DLGAP2: variants seen among roughly 807,000 people sequenced by gnomAD.
The protein encoded by DLGAP2 is disks large-associated protein 2.
DLGAP2 carries 26 observed loss-of-function variants against 100.3 expected under a neutral mutation model. The observed-to-expected ratio is 0.26, with a 90% confidence interval of 0.19 to 0.36. The LOEUF is 0.36. DLGAP2 is among the 10% of genes least tolerant of loss of function. DLGAP2 has a pLI of 1.00. For synonymous variants in DLGAP2, 886 were observed against 630.1 expected, an observed-to-expected ratio of 1.41 and a Z score of -6.08; for missense variants, 1,858 against 1,453.2, an observed-to-expected ratio of 1.28 and a Z score of -4.53.
At chr8:1,186,128 G>A (rs376337647) in intron 2 of DLGAP2, among the ~76,000 whole-genome samples, 2 of 152,298 alleles carry the variant, frequency 1.3e-5, no homozygotes, top group Middle Eastern at 3.4e-3. Context: ...GGTGCTTCTC[G>A]CTTTGCGCCC....
chr8:1,017,959 G>T (rs181886945), intron 2 of DLGAP2, among the ~76,000 whole-genome samples: 30 of 152,298 alleles, frequency 2.0e-4, no homozygotes, highest in African/African-American at 7.2e-4. Context: ...CACTTTCCTA[G>T]TTGTGGCAGA....
intron 2 of DLGAP2, among the ~76,000 whole-genome samples, chr8:1,228,499 T>A (rs1275789041): frequency 6.6e-6 from 1 of 152,174 alleles, no homozygotes. Context: ...TACAATGACA[T>A]CATAAGAAAC....
intron 2 of DLGAP2, among the ~76,000 whole-genome samples, chr8:1,124,106 C>T (rs1204620953): frequency 1.3e-5 from 2 of 152,190 alleles, no homozygotes; most frequent in Non-Finnish European, 2.9e-5. Flanking sequence ...ATATCGTTTC[C>T]CCAGAGTTTA....
chr8:1,601,800 T>A (rs1796633648), intron 6 of DLGAP2, among the ~76,000 whole-genome samples: 1 of 152,200 alleles, frequency 6.6e-6, no homozygotes, highest in South Asian at 2.1e-4. Flanking sequence ...CTGTTTCCTC[T>A]CCCTAAATGG....
intron 2 of DLGAP2, among the ~76,000 whole-genome samples, chr8:970,340 A>G (rs1799982171): frequency 6.6e-6 from 1 of 152,228 alleles, no homozygotes; most frequent in Non-Finnish European, 1.5e-5. Flanking sequence ...TTATTTTTAA[A>G]AAATTGTGTG....
At chr8:1,377,179 G>T (rs946305105) in intron 3 of DLGAP2, among the ~76,000 whole-genome samples, 1 of 152,232 alleles carries the variant, frequency 6.6e-6, no homozygotes, top group Admixed American at 6.5e-5. Flanking sequence ...GGCCCCTCCA[G>T]GTCAGTGGTG....
chr8:1,662,286 A>C (rs1798425565), intron 8 of DLGAP2, among the ~76,000 whole-genome samples: 1 of 152,382 alleles, frequency 6.6e-6, no homozygotes, highest in East Asian at 1.9e-4. Flanking sequence ...CCCATTAGTT[A>C]ATAGTCCCTT....
intron 2 of DLGAP2, among the ~76,000 whole-genome samples, chr8:1,241,959 C>A (rs751225230): frequency 1.3e-5 from 2 of 152,182 alleles, no homozygotes; most frequent in Non-Finnish European, 2.9e-5. Flanking sequence ...ACTGCCTCTA[C>A]TGAAACATTC....
At chr8:1,495,347 A>G (rs1799512749) in intron 3 of DLGAP2, among the ~76,000 whole-genome samples, 1 of 152,122 alleles carries the variant, frequency 6.6e-6, no homozygotes, top group South Asian at 2.1e-4. Flanking sequence ...GGACAAGGAG[A>G]GGCAGCCGAG....
At chr8:1,461,859 G>T (rs1306515695) in intron 3 of DLGAP2, among the ~76,000 whole-genome samples, 1 of 12,238 alleles carries the variant, frequency 8.2e-5, no homozygotes, top group Non-Finnish European at 1.4e-4. Context: ...ACTGGGTGCA[G>T]TCGCTGATTC....
intron 1 of DLGAP2, among the ~76,000 whole-genome samples, chr8:779,094 C>T (rs941901931): frequency 2.6e-5 from 4 of 152,226 alleles, no homozygotes; most frequent in African/African-American, 9.6e-5. Flanking sequence ...GTGGGAGTGA[C>T]CCGATTTTCC....
intron 3 of DLGAP2, among the ~76,000 whole-genome samples, chr8:1,292,838 T>C (rs1354758547): frequency 1.3e-5 from 2 of 152,092 alleles, no homozygotes; most frequent in African/African-American, 2.4e-5. Context: ...CTCCTGCTCA[T>C]CCACACATCC....
intron 3 of DLGAP2, among the ~76,000 whole-genome samples, chr8:1,471,993 C>T (rs762063680): frequency 1.3e-5 from 2 of 152,200 alleles, no homozygotes; most frequent in African/African-American, 4.8e-5. Flanking sequence ...TTGTATTTAG[C>T]GGTGGTCTCT....
rs550831447 is a variant in DLGAP2 at position 1,101,723 on chromosome 8, C to G, written c.74-157128C>G. Among the ~76,000 whole-genome samples the G allele has an allele frequency of 3.9e-5, 5 of 128,332 alleles. No homozygotes were observed. In the South Asian group the frequency reaches 9.2e-4, roughly 24 times the overall value. The allele number at this position is 128,332 out of a possible 152,430, so 84.2% of individuals were successfully genotyped here. A position where few individuals can be genotyped will look rare whatever the true frequency, so the allele number is the denominator to read the frequency against. ...GTCCTCGTCACCCCGGAGCCGAACA[C>G]GACACGACGATGGGAAGCTCCTCGT... On this transcript the variant is annotated intron_variant, in intron 2 of 14. Coordinates refer to ENST00000637795, the MANE Select transcript of DLGAP2 (RefSeq NM_001346810.2).
At chr8:1,507,813 C>T (rs577354017) in intron 4 of DLGAP2, among the ~76,000 whole-genome samples, 18 of 151,614 alleles carry the variant, frequency 1.2e-4, no homozygotes, top group African/African-American at 3.6e-4. Context: ...TCCCTCCACC[C>T]ACCACCCTCC....
chr8:1,178,215 T>C (rs1797303698), intron 2 of DLGAP2, among the ~76,000 whole-genome samples: 2 of 152,222 alleles, frequency 1.3e-5, no homozygotes, highest in Admixed American at 1.3e-4. Flanking sequence ...CATAAGCAGG[T>C]AATGTCCCAG....
intron 1 of DLGAP2, among the ~76,000 whole-genome samples, chr8:759,363 G>C (rs1426426097): frequency 6.6e-6 from 1 of 151,800 alleles, no homozygotes; most frequent in Non-Finnish European, 1.5e-5. Flanking sequence ...CCACACTGAT[G>C]CGTCATTGCC....
At chr8:1,582,616 G>A (rs747512121) in intron 6 of DLGAP2, among the ~76,000 whole-genome samples, 10 of 152,006 alleles carry the variant, frequency 6.6e-5, no homozygotes, top group Non-Finnish European at 1.5e-5. Context: ...CCAAGATGGA[G>A]TCTCGCTCCG....
chr8:1,670,526 C>G (rs1672181647), intron 10 of DLGAP2, among the ~76,000 whole-genome samples: 1 of 152,238 alleles, frequency 6.6e-6, no homozygotes, highest in South Asian at 2.1e-4. Context: ...CACCCCCAGC[C>G]TGTTGCCACC....
Sources: allele counts gnomAD v4.1 joint callset (sites outside exome capture counted in the v4.1 genomes callset), GRCh38; gene constraint gnomAD v4.1.1; transcripts MANE v1.5; gene names NCBI Gene and HGNC (gene_info 2026-07-23, HGNC 2026-07-21).